The following DDR2 variants were observed in gnomAD, a reference collection of about 807,000 sequenced individuals.
DDR2 encodes discoidin domain-containing receptor 2.
In DDR2, 27 loss-of-function variants were observed where a neutral mutation model predicts 94.9. The observed-to-expected ratio is 0.28, with a 90% CI of 0.21 to 0.39. DDR2 has a LOEUF of 0.39. Ranked by LOEUF, DDR2 falls within the 10% of genes least tolerant of loss-of-function variation. The pLI, the probability that DDR2 is intolerant of heterozygous loss-of-function variation, is 1.00. For synonymous variants in DDR2, 382 were observed against 377.2 expected (o/e 1.01, Z -0.15); for missense variants, 783 against 1,076.0 (o/e 0.73, Z 3.81).
chr1:162,773,077 A>G (rs1055695793), intron 13 of DDR2, among the ~76,000 whole-genome samples: 1 of 152,128 alleles, frequency 6.6e-6, no homozygotes, highest in Non-Finnish European at 1.5e-5. Context: ...ATAATGCTAA[A>G]CCCTATACTA....
chr1:162,655,985 G>A (rs947673471), intron 2 of DDR2, among the ~76,000 whole-genome samples: 1 of 152,064 alleles, frequency 6.6e-6, no homozygotes, highest in Non-Finnish European at 1.5e-5. Flanking sequence ...GGGACTCAAG[G>A]CAAAAAGAGA....
At position 162,781,083 on chromosome 1, in the gene DDR2, G is replaced by T. The variant is rs115128496; in HGVS notation, c.*837G>T. 6.6e-6 allele frequency: 1 copy of T among 152,288 alleles called. No homozygotes were observed. The highest frequency in any genetic ancestry group is 2.4e-5 in the African/African-American group (1 of 41,564). The allele number at this position is 152,288 out of a possible 1,614,324, so 9.4% of individuals were successfully genotyped here. A position where few individuals can be genotyped will look rare whatever the true frequency, so the allele number is the denominator to read the frequency against. On this transcript the variant is annotated 3_prime_UTR_variant, in exon 18 of 18. Transcript: ENST00000367921. ...CATTTATTTGTGATTTTGTAAGAGG[G>T]TTCTCTTCTTTGTCTTGTTCAGATA...
chr1:162,753,824 A>G (rs1663331019), intron 4 of DDR2, among the ~76,000 whole-genome samples: 1 of 152,162 alleles, frequency 6.6e-6, no homozygotes, highest in South Asian at 2.1e-4. Context: ...GAATCTTATT[A>G]TTTTGTGAAG....
intron 1 of DDR2, among the ~76,000 whole-genome samples, chr1:162,644,816 G>A (rs187981241): frequency 6.4e-4 from 98 of 152,132 alleles, no homozygotes; most frequent in Non-Finnish European, 5.9e-4. Context: ...GGCTGGTCTC[G>A]AACTCCTGAC....
intron 2 of DDR2, among the ~76,000 whole-genome samples, chr1:162,696,992 C>T (rs1254690161): frequency 2.0e-5 from 3 of 152,008 alleles, no homozygotes; most frequent in African/African-American, 2.4e-5. Context: ...GAACCCTCTC[C>T]GTGGGCCTCC....
rs2102199942 is a variant in DDR2, at chr1:162,776,346, G to A, written c.2259G>A (p.Trp753Ter). 1 of 1,614,050 alleles carries A rather than the reference G, an allele frequency of 6.2e-7. No homozygotes were observed. Among genetic ancestry groups the A allele is most frequent in the Non-Finnish European group, 8.5e-7 (1 of 1,179,952 alleles). ...GCCGGGCAGTGCTCCCTATCCGCTG[G>A]ATGTCTTGGGAGAGTATCTTGCTGG... ...IQGRAVLPIR[W>*]MSWESILLGK... The change falls in exon 16 of 18, where the codon TGG becomes TGA. Residue 753 changes from tryptophan (W) to a stop codon, truncating the protein, a stop_gained. Transcript: ENST00000367921. LOFTEE classifies it high-confidence loss of function.
rs757941364 is a variant in DDR2 at position 162,766,055 on chromosome 1, C to A, written c.1154C>A (p.Thr385Lys). 2 of 1,613,804 alleles carry A rather than the reference C, an allele frequency of 1.2e-6. No homozygotes were observed. Among genetic ancestry groups the A allele is most frequent in the East Asian group, 4.5e-5 (2 of 44,882 alleles). The change falls in exon 10 of 18, where the codon ACA becomes AAA. Residue 385 changes from threonine to lysine, a missense_variant. By Grantham distance (78) the Thr-to-Lys change is moderately conservative (BLOSUM62 -1). Coordinates refer to ENST00000367921, the MANE Select transcript of DDR2 (RefSeq NM_006182.4). ...CTGCCCACCTCTCCTATGGCACCCA[C>A]AACCTATGGTATATGTGATTCCTAA... is the stretch of plus-strand genomic sequence containing the variant. ...EALPTSPMAP[T>K]TYDPMLKVDD...
intron 2 of DDR2, among the ~76,000 whole-genome samples, chr1:162,686,099 C>T (rs1659671936): frequency 6.6e-6 from 1 of 152,192 alleles, no homozygotes; most frequent in African/African-American, 2.4e-5. Flanking sequence ...GATCTTGGCT[C>T]ACTGCAACCT....
intron 1 of DDR2, among the ~76,000 whole-genome samples, chr1:162,648,297 G>T (rs1427198581): frequency 6.6e-6 from 1 of 152,160 alleles, no homozygotes; most frequent in Non-Finnish European, 1.5e-5. Flanking sequence ...TGGATAGCCA[G>T]GTAGCAAAGA....
intron 1 of DDR2, among the ~76,000 whole-genome samples, chr1:162,638,681 A>G (rs1656961287): frequency 6.6e-6 from 1 of 152,230 alleles, no homozygotes; most frequent in African/African-American, 2.4e-5. Context: ...TGAAGTTTTC[A>G]AAAGCTACTG....
At chr1:162,740,029 T>C (rs1380427699) in intron 3 of DDR2, among the ~76,000 whole-genome samples, 1 of 152,148 alleles carries the variant, frequency 6.6e-6, no homozygotes, top group Non-Finnish European at 1.5e-5. Flanking sequence ...CAATGTTATC[T>C]TTATTCCTTA....
At chr1:162,679,504 A>T (rs1439176787) in intron 2 of DDR2, among the ~76,000 whole-genome samples, 1 of 152,224 alleles carries the variant, frequency 6.6e-6, no homozygotes, top group Non-Finnish European at 1.5e-5. Flanking sequence ...ATGGCTGCAT[A>T]GTATTCCATG....
chr1:162,770,891 A>G (rs949716726), intron 12 of DDR2, among the ~76,000 whole-genome samples: 3 of 152,238 alleles, frequency 2.0e-5, no homozygotes, highest in Non-Finnish European at 4.4e-5. Context: ...GAGTGGGTAA[A>G]GGCAGGACTA....
At position 162,652,373 on chromosome 1, in the gene DDR2, G is replaced by A. The variant is rs140231209; in HGVS notation, c.-191-2838G>A. On this transcript the variant is annotated intron_variant, in intron 1 of 17. Transcript: ENST00000367921. The stretch of plus-strand genomic sequence containing the variant: ...TGTTGGTGCCCATCTTCCTGGCCTG[G>A]TGGGGAGGAATGTAGGAAAGCAGAC... 7.1e-3 allele frequency among the ~76,000 whole-genome samples: 1,079 copies of A among 152,304 alleles called. 5 individuals are homozygous for A. The highest frequency in any genetic ancestry group is 0.024 in the African/African-American group (1,016 of 41,560).
At chr1:162,714,818 G>T (rs1189096062) in intron 2 of DDR2, among the ~76,000 whole-genome samples, 3 of 152,124 alleles carry the variant, frequency 2.0e-5, no homozygotes, top group Non-Finnish European at 4.4e-5. Context: ...GCACCTAATA[G>T]ATATTTACAA....
intron 9 of DDR2, among the ~76,000 whole-genome samples, chr1:162,765,423 C>T (rs6699299): frequency 0.02 from 3,035 of 152,186 alleles, 92 homozygotes; most frequent in African/African-American, 0.069. Context: ...GAGGGAAAAA[C>T]TCTGGCAAAG....
chr1:162,717,165 A>C (rs1426197814), intron 2 of DDR2, among the ~76,000 whole-genome samples: 1 of 151,788 alleles, frequency 6.6e-6, no homozygotes, highest in Non-Finnish European at 1.5e-5. Flanking sequence ...CCTCCCAAGT[A>C]GCTGGGATTA....
intron 2 of DDR2, among the ~76,000 whole-genome samples, chr1:162,663,189 T>A (rs1658391764): frequency 6.6e-6 from 1 of 152,162 alleles, no homozygotes; most frequent in East Asian, 1.9e-4. Context: ...AATGGAACCA[T>A]TAGATTGAAA....
intron 2 of DDR2, among the ~76,000 whole-genome samples, chr1:162,680,959 G>C (rs1236997210): frequency 6.6e-6 from 1 of 152,178 alleles, no homozygotes; most frequent in African/African-American, 2.4e-5. Flanking sequence ...TCTGGGAGGA[G>C]TGTTGTGTCC....
Sources: gnomAD v4.1 joint callset for allele counts (sites outside exome capture counted in the v4.1 genomes callset) on GRCh38, gnomAD v4.1.1 for gene constraint, MANE v1.5 for transcripts, NCBI Gene and HGNC (gene_info 2026-07-23, HGNC 2026-07-21) for gene names.